Variants in MTMR14 observed in about 807,000 individuals in gnomAD.
The protein encoded by MTMR14 is phosphatidylinositol-3,5-bisphosphate 3-phosphatase MTMR14.
In MTMR14, 48 loss-of-function variants were observed where a neutral mutation model predicts 86.3. The ratio of observed to expected loss-of-function variants is 0.56; its 90% CI spans 0.44 to 0.71. MTMR14 has a LOEUF of 0.71. Ranked by LOEUF, MTMR14 falls within the 30% of genes least tolerant of loss-of-function variation. The pLI, the probability that MTMR14 is intolerant of heterozygous loss-of-function variation, is 0.00. For synonymous variants in MTMR14, 366 were observed against 326.1 expected, an observed-to-expected ratio of 1.12 and a Z score of -1.32; for missense variants, 780 against 834.6, an observed-to-expected ratio of 0.93 and a Z score of 0.81.
intron 9 of MTMR14, among the ~76,000 whole-genome samples, chr3:9,680,844 CA>C (rs2075743682): frequency 6.7e-6 from 1 of 149,416 alleles, no homozygotes; most frequent in South Asian, 2.1e-4. Context: ...CTCAAAAAAA[CA>C]AACAAACAAA....
At chr3:9,692,835 C>G (rs1207171798) in intron 17 of MTMR14, among the ~76,000 whole-genome samples, 1 of 152,214 alleles carries the variant, frequency 6.6e-6, no homozygotes, top group African/African-American at 2.4e-5. Context: ...GCTAACTGCT[C>G]TTTGAGCAAC....
chr3:9,664,657 A>G (rs527647508), intron 3 of MTMR14, among the ~76,000 whole-genome samples: 89 of 152,298 alleles, frequency 5.8e-4, no homozygotes, highest in Admixed American at 2.2e-3. Context: ...ACAAAAAGAC[A>G]AACTTCACAT....
At chr3:9,694,459 T>C (rs749798998) in intron 17 of MTMR14, among the ~76,000 whole-genome samples, 5 of 152,144 alleles carry the variant, frequency 3.3e-5, no homozygotes, top group Non-Finnish European at 7.3e-5. Flanking sequence ...CTGAGCACCA[T>C]AGTGAGACCT....
Position 9,690,002 on chromosome 3 carries a change from G to C in MTMR14, c.1472G>C (p.Trp491Ser), listed in dbSNP as rs2076088325. ...SHSSSPQSVL[W>S]NRPQPSEDRL... is the part of the protein sequence containing the mutation. ...TCATCCTCTCCACAGAGTGTCCTCT[G>C]GAACCGGCCACAACCCTCAGAGGAC... The change falls in exon 17 of 19, where the codon TGG becomes TCG. Residue 491 changes from tryptophan to serine, a missense_variant. Physicochemically the swap from Trp to Ser is radical, Grantham distance 177. Coordinates refer to ENST00000296003, the MANE Select transcript of MTMR14 (RefSeq NM_001077525.3). 6.2e-7 allele frequency: 1 copy of C among 1,611,714 alleles called. No homozygotes were observed. Among genetic ancestry groups the C allele is most frequent in the Admixed American group, 1.7e-5 (1 of 59,946 alleles).
In MTMR14 at chr3:9,678,080, T is replaced by C. The variant is rs1044980866; in HGVS notation, c.897+22T>C. 28 of 1,613,472 alleles carry C rather than the reference T, an allele frequency of 1.7e-5. No individual in the cohort carries two copies. The East Asian group carries it at 4.9e-4, about 28-fold the overall frequency. On this transcript the variant is annotated intron_variant, in intron 9 of 18. Transcript: ENST00000296003. ...TCAGGTGAGGGGCCTGACTCAAGCA[T>C]TGAGGGCAGGATAAGGGAGTGGTGA...
At chr3:9,693,422 A>G (rs1404790299) in intron 17 of MTMR14, among the ~76,000 whole-genome samples, 1 of 152,244 alleles carries the variant, frequency 6.6e-6, no homozygotes, top group Non-Finnish European at 1.5e-5. Flanking sequence ...AAATCTGGGT[A>G]TAACTCTGAC....
intron 17 of MTMR14, among the ~76,000 whole-genome samples, chr3:9,690,510 C>T (rs542839337): frequency 1.3e-5 from 2 of 152,322 alleles, no homozygotes; most frequent in South Asian, 4.1e-4. Flanking sequence ...CTGGCTCCCA[C>T]ATCTAAAGTC....
chr3:9,676,611 C>T (rs992423174), intron 7 of MTMR14, among the ~76,000 whole-genome samples: 5 of 152,228 alleles, frequency 3.3e-5, no homozygotes, highest in Non-Finnish European at 5.9e-5. Context: ...AGACATTAAA[C>T]AACTTGTTCA....
In MTMR14 at chr3:9,672,854, A is replaced by C. The variant is rs796384367; in HGVS notation, c.751+96A>C. 4 of 1,163,528 alleles carry C rather than the reference A, an allele frequency of 3.4e-6. No homozygotes were observed. The African/African-American group carries it at 6.1e-5, about 18-fold the overall frequency. The allele number at this position is 1,163,528 out of a possible 1,614,324, so 72.1% of individuals were successfully genotyped here. On this transcript the variant is annotated intron_variant, in intron 7 of 18. Transcript: ENST00000296003. ...TACTTAGTTACACTGGCGCCCTGGG[A>C]GCTTTCCTGGAGGGTTTGTGTCAGG...
intron 2 of MTMR14, among the ~76,000 whole-genome samples, chr3:9,661,873 G>A (rs1173110049): frequency 1.3e-5 from 2 of 151,954 alleles, no homozygotes; most frequent in East Asian, 3.9e-4. Context: ...GATCGCCTGA[G>A]GTCAGGAGTT....
At chr3:9,681,303 T>C (rs984611586) in intron 9 of MTMR14, among the ~76,000 whole-genome samples, 3 of 152,172 alleles carry the variant, frequency 2.0e-5, no homozygotes, top group African/African-American at 7.2e-5. Context: ...GACCCCTCCC[T>C]GGGGCTGCTG....
At chr3:9,685,760 C>T (rs2075923865) in intron 13 of MTMR14, among the ~76,000 whole-genome samples, 1 of 152,118 alleles carries the variant, frequency 6.6e-6, no homozygotes. Flanking sequence ...ATGTGCTCAG[C>T]ACTCTCTCCC....
intron 17 of MTMR14, among the ~76,000 whole-genome samples, chr3:9,690,544 A>T (rs544805412): frequency 6.6e-6 from 1 of 152,160 alleles, no homozygotes; most frequent in Non-Finnish European, 1.5e-5. Context: ...CAGTGAGAAC[A>T]GTGTTAGGGA....
At chr3:9,656,921 TTTTTTG>T (rs910522648) in intron 2 of MTMR14, among the ~76,000 whole-genome samples, 10 of 151,860 alleles carry the variant, frequency 6.6e-5, no homozygotes, top group Non-Finnish European at 8.8e-5. Flanking sequence ...CAAGGTGGGT[TTTTTTG>T]TTTTTGTTTT....
At chr3:9,681,296 C>T (rs2075760174) in intron 9 of MTMR14, among the ~76,000 whole-genome samples, 1 of 152,154 alleles carries the variant, frequency 6.6e-6, no homozygotes, top group African/African-American at 2.4e-5. Flanking sequence ...GTCCTAAGAC[C>T]CCTCCCTGGG....
intron 6 of MTMR14, 97 bp from the exon 7 acceptor site, chr3:9,672,588 C>T (rs1190640249): frequency 1.9e-6 from 2 of 1,080,582 alleles, no homozygotes; most frequent in Non-Finnish European, 2.9e-6. Flanking sequence ...TTTTTTTTAG[C>T]AGAAGCTTCA....
intron 7 of MTMR14, among the ~76,000 whole-genome samples, chr3:9,676,550 A>G (rs1307717408): frequency 6.6e-6 from 1 of 152,228 alleles, no homozygotes; most frequent in Non-Finnish European, 1.5e-5. Flanking sequence ...TTTTATATGT[A>G]TTATGTCATC....
rs2076450712 is a variant in MTMR14 at position 9,701,369 on chromosome 3, AGCCT to A, written c.1770-419_1770-416del. 3.6e-6 allele frequency: 1 copy of A among 277,196 alleles called. No homozygotes were observed. The highest frequency in any genetic ancestry group is 7.0e-6 in the Non-Finnish European group (1 of 141,970). 17.2% of individuals were successfully genotyped at this position (277,196 alleles called of 1,614,324 possible). A position where few individuals can be genotyped will look rare whatever the true frequency, so the allele number is the denominator to read the frequency against. ...CAGTTGAGTCCAGGAGTTTGAGACC[AGCCT>A]GGGCAACATGGTAAAACCCTATCAT... On this transcript the variant is annotated intron_variant, in intron 18 of 18. Coordinates refer to ENST00000296003, the MANE Select transcript of MTMR14 (RefSeq NM_001077525.3). This position sits in a 1 kb window ranked among gnomAD's most constrained non-coding sequence, Gnocchi z 4.2.
rs1162767801 is a variant in MTMR14, at chr3:9,662,305, T to G, written c.347T>G (p.Leu116Arg). 6.2e-7 allele frequency: 1 copy of G among 1,613,452 alleles called. No individual in the cohort carries two copies. Among genetic ancestry groups the G allele is most frequent in the Non-Finnish European group, 8.5e-7 (1 of 1,179,946 alleles). The change falls in exon 3 of 19, where the codon CTC becomes CGC. Residue 116 changes from leucine to arginine, a missense_variant. By Grantham distance (102) the Leu-to-Arg change is moderately radical. Transcript: ENST00000296003. Reference protein sequence around the residue: ...STVQVSKLQDLIHRSKMARCR... With the variant: ...STVQVSKLQDRIHRSKMARCR... ...GTACAGGTGAGCAAGTTGCAAGACC[T>G]CATCCACCGCAGCAAGATGGCCCGG...
Sources: gnomAD v4.1 joint callset for allele counts (sites outside exome capture counted in the v4.1 genomes callset) on GRCh38, gnomAD v4.1.1 for gene constraint, Gnocchi (gnomAD v3.1) non-coding constraint, MANE v1.5 for transcripts, NCBI Gene and HGNC (gene_info 2026-07-23, HGNC 2026-07-21) for gene names.